NRXN3: variants seen among roughly 807,000 people sequenced by gnomAD.
NRXN3 encodes the protein neurexin 3.
A neutral mutation model predicts 137.6 loss-of-function variants in NRXN3; 32 were observed. That is an observed-to-expected ratio of 0.23 (90% CI 0.18 to 0.31). NRXN3 has a LOEUF of 0.31. Among genes scored for constraint, NRXN3 ranks in the 10% least tolerant of loss-of-function variants. NRXN3 has a pLI of 1.00. For synonymous variants in NRXN3, 798 were observed against 784.5 expected (o/e 1.02, Z -0.29); for missense variants, 1,574 against 2,062.5 (o/e 0.76, Z 4.59).
intron 15 of NRXN3, among the ~76,000 whole-genome samples, chr14:79,364,905 A>G (rs1003551228): frequency 1.3e-5 from 2 of 152,138 alleles, no homozygotes; most frequent in African/African-American, 4.8e-5. Context: ...CCTACTTACT[A>G]TTCAAAAATC....
intron 15 of NRXN3, chr14:79,072,626 C>T (rs1388456267): frequency 2.0e-5 from 3 of 152,148 alleles, no homozygotes; most frequent in Non-Finnish European, 4.4e-5. Flanking sequence ...AATGTATCAA[C>T]CAGTGTGACT....
intron 1 of NRXN3, among the ~76,000 whole-genome samples, chr14:78,180,749 C>A (rs989429731): frequency 6.6e-6 from 1 of 152,172 alleles, no homozygotes. Context: ...CCATAAATCC[C>A]AGGGTCTTGC....
At chr14:78,761,453 G>A (rs562684260) in intron 8 of NRXN3, among the ~76,000 whole-genome samples, 4 of 152,200 alleles carry the variant, frequency 2.6e-5, no homozygotes, top group African/African-American at 9.6e-5. Flanking sequence ...TTTCCAGAGG[G>A]GATTTTGCAG....
chr14:79,830,949 T>C (rs2099321382), intron 20 of NRXN3, among the ~76,000 whole-genome samples: 3 of 152,162 alleles, frequency 2.0e-5, no homozygotes. Flanking sequence ...GGAAACAGGT[T>C]GAAGAAGCTC....
intron 15 of NRXN3, among the ~76,000 whole-genome samples, chr14:79,063,529 C>T (rs143871534): frequency 6.6e-6 from 1 of 152,140 alleles, no homozygotes; most frequent in African/African-American, 2.4e-5. Flanking sequence ...GGTGATGTAC[C>T]TGCCTTGGCC....
At chr14:79,209,727 A>G (rs1250039968) in intron 15 of NRXN3, among the ~76,000 whole-genome samples, 1 of 152,224 alleles carries the variant, frequency 6.6e-6, no homozygotes, top group Non-Finnish European at 1.5e-5. Context: ...TTTTATCACA[A>G]GACCTAAAAG....
intron 4 of NRXN3, among the ~76,000 whole-genome samples, chr14:78,379,179 T>A (rs1482059918): frequency 6.6e-6 from 1 of 152,134 alleles, no homozygotes; most frequent in East Asian, 1.9e-4. Flanking sequence ...TACTGAGAAT[T>A]CTACCAAACA....
chr14:79,317,748 A>G (rs886365323), intron 15 of NRXN3, among the ~76,000 whole-genome samples: 2 of 152,228 alleles, frequency 1.3e-5, no homozygotes, highest in African/African-American at 4.8e-5. Context: ...GTTTTAGAAC[A>G]TCTATTTATA....
At chr14:78,296,056 C>T in intron 3 of NRXN3, among the ~76,000 whole-genome samples, 1 of 147,416 alleles carries the variant, frequency 6.8e-6, no homozygotes, top group Non-Finnish European at 1.5e-5. Context: ...TTCTCTCTCT[C>T]TGTCTTTTTT....
intron 15 of NRXN3, among the ~76,000 whole-genome samples, chr14:79,046,850 AT>A (rs2099633880): frequency 6.6e-6 from 1 of 152,232 alleles, no homozygotes; most frequent in Admixed American, 6.5e-5. Context: ...GGTTGTTTAT[AT>A]TAAATTTAAC....
At chr14:78,593,896 G>A (rs1038437821) in intron 4 of NRXN3, among the ~76,000 whole-genome samples, 2 of 152,118 alleles carry the variant, frequency 1.3e-5, no homozygotes, top group Non-Finnish European at 2.9e-5. Context: ...GAGGGGCCCA[G>A]GCATGCAGAA....
intron 15 of NRXN3, among the ~76,000 whole-genome samples, chr14:79,428,284 C>A (rs552674332): frequency 2.0e-5 from 3 of 152,136 alleles, no homozygotes; most frequent in Admixed American, 2.0e-4. Flanking sequence ...TTGGGAAATA[C>A]TACTTCTAAA....
chr14:79,549,228 AC>A (rs984029295), intron 16 of NRXN3, among the ~76,000 whole-genome samples: 2 of 152,104 alleles, frequency 1.3e-5, no homozygotes, highest in African/African-American at 4.8e-5. Flanking sequence ...AAACCTCTTA[AC>A]CTAAAACTAA....
At chr14:79,408,558 C>G (rs566735071) in intron 15 of NRXN3, among the ~76,000 whole-genome samples, 1 of 152,176 alleles carries the variant, frequency 6.6e-6, no homozygotes. Flanking sequence ...TCATGCAGAC[C>G]TAACCTCAAG....
chr14:78,930,682 A>T (rs1295494344), intron 10 of NRXN3, among the ~76,000 whole-genome samples: 1 of 152,298 alleles, frequency 6.6e-6, no homozygotes, highest in East Asian at 1.9e-4. Context: ...AACTCAAAGA[A>T]TGTATGTCAA....
intron 15 of NRXN3, among the ~76,000 whole-genome samples, chr14:79,408,278 A>G (rs562744904): frequency 1.1e-4 from 17 of 152,220 alleles, no homozygotes; most frequent in African/African-American, 3.4e-4. Context: ...AAAACCAAAC[A>G]CAGCCAGTTT....
intron 20 of NRXN3, among the ~76,000 whole-genome samples, chr14:79,852,217 G>A (rs544358478): frequency 7.6e-6 from 1 of 131,450 alleles, no homozygotes; most frequent in Non-Finnish European, 1.6e-5. Flanking sequence ...GTCAATACAG[G>A]TTCTAGTTCA....
At chr14:78,309,215 C>G (rs1427820686) in intron 4 of NRXN3, among the ~76,000 whole-genome samples, 1 of 151,906 alleles carries the variant, frequency 6.6e-6, no homozygotes, top group Non-Finnish European at 1.5e-5. Flanking sequence ...GTTTTGTCAT[C>G]TTGTAGAACC....
At chr14:79,110,797 T>TA (rs57781064) in intron 15 of NRXN3, among the ~76,000 whole-genome samples, 119,908 of 135,274 alleles carry the variant, frequency 0.89, 53,357 homozygotes, top group Non-Finnish European at 0.93. Flanking sequence ...TTTATTTATT[T>TA]TTTTATTTTT....
Sources: gnomAD v4.1 joint callset for allele counts (sites outside exome capture counted in the v4.1 genomes callset) on GRCh38, gnomAD v4.1.1 for gene constraint, MANE v1.5 for transcripts, NCBI Gene and HGNC (gene_info 2026-07-23, HGNC 2026-07-21) for gene names.